The following GRB10 variants were observed in gnomAD, a reference collection of about 807,000 sequenced individuals.
GRB10 encodes growth factor receptor bound protein 10.
A neutral mutation model predicts 80.9 loss-of-function variants in GRB10; 20 were observed. The observed-to-expected ratio is 0.25, with a 90% CI of 0.17 to 0.36. GRB10 has a LOEUF of 0.36. Among genes scored for constraint, GRB10 ranks in the 10% least tolerant of loss-of-function variants. GRB10 has a pLI of 1.00. For synonymous variants in GRB10, 291 were observed against 291.5 expected, an observed-to-expected ratio of 1.00 and a Z score of 0.02; for missense variants, 548 against 747.7, an observed-to-expected ratio of 0.73 and a Z score of 3.12.
chr7:50,691,285 T>C (rs2062782321), intron 5 of GRB10, among the ~76,000 whole-genome samples: 1 of 152,106 alleles, frequency 6.6e-6, no homozygotes, highest in Admixed American at 6.5e-5. Flanking sequence ...GGAGGGCTAA[T>C]CTAGAAGCAG....
chr7:50,739,937 C>A (rs2071428386), intron 3 of GRB10, among the ~76,000 whole-genome samples: 1 of 152,230 alleles, frequency 6.6e-6, no homozygotes, highest in Non-Finnish European at 1.5e-5. Flanking sequence ...TATGCCACCT[C>A]TTCCTGTGAC....
intron 13 of GRB10, among the ~76,000 whole-genome samples, chr7:50,607,973 A>G (rs1387910592): frequency 6.6e-6 from 1 of 152,130 alleles, no homozygotes; most frequent in African/African-American, 2.4e-5. Context: ...CATGGCACAT[A>G]CTCATTTCTA....
intron 5 of GRB10, among the ~76,000 whole-genome samples, chr7:50,683,736 C>CA (rs921828988): frequency 8.0e-5 from 12 of 149,904 alleles, no homozygotes; most frequent in African/African-American, 2.7e-4. Flanking sequence ...GACTCCATCT[C>CA]AAAAAAAATA....
rs199989891 is a variant in GRB10, at chr7:50,674,550, C to T, written c.248G>A (p.Gly83Asp). 3 of 1,612,122 alleles carry T rather than the reference C, an allele frequency of 1.9e-6. No individual in the cohort carries two copies. Among genetic ancestry groups the T allele is most frequent in the African/African-American group, 2.7e-5 (2 of 75,060 alleles). Residue 83 changes from glycine to aspartate, a missense_variant, in exon 6 of 19, where the codon GGC becomes GAC. Physicochemically the swap from Gly to Asp is moderately conservative, Grantham distance 94. Coordinates refer to ENST00000401949, the MANE Select transcript of GRB10 (RefSeq NM_001350814.2). ...QSDTVPLLQN[G>D]QHARSQPRAS... ...CCGAGGCTGGCTGCGGGCATGCTGGCCATTCTGCAGGAGGGGCACCGTGTC... is the reference window on the plus strand; with the variant it reads ...CCGAGGCTGGCTGCGGGCATGCTGGTCATTCTGCAGGAGGGGCACCGTGTC...
intron 7 of GRB10, among the ~76,000 whole-genome samples, chr7:50,661,422 G>A (rs1370437477): frequency 6.6e-6 from 1 of 152,178 alleles, no homozygotes; most frequent in Non-Finnish European, 1.5e-5. Flanking sequence ...AATAACAAAT[G>A]GAAAAATGTG....
intron 14 of GRB10, 52 bp downstream of exon 14, chr7:50,606,285 G>C: frequency 7.2e-7 from 1 of 1,381,724 alleles, no homozygotes; most frequent in African/African-American, 1.4e-5. Flanking sequence ...TAACACATGT[G>C]ATGCAGAAGC....
intron 8 of GRB10, among the ~76,000 whole-genome samples, chr7:50,621,152 C>T (rs943855399): frequency 1.3e-5 from 2 of 152,228 alleles, no homozygotes; most frequent in African/African-American, 2.4e-5. Flanking sequence ...CCCACGCAGG[C>T]GCCCATCCTT....
At chr7:50,704,393 T>TG (rs2064738769) in intron 4 of GRB10, among the ~76,000 whole-genome samples, 1 of 152,210 alleles carries the variant, frequency 6.6e-6, no homozygotes, top group Non-Finnish European at 1.5e-5. Flanking sequence ...AGAACAACAC[T>TG]TTCAGGCAAA....
At chr7:50,674,680 C>G in intron 5 of GRB10, 22 bp from the exon 6 acceptor site, 1 of 1,605,146 alleles carries the variant, frequency 6.2e-7, no homozygotes, top group Non-Finnish European at 8.5e-7. Context: ...AAGGCAAGAG[C>G]AAAAAAGAAA....
chr7:50,634,651 A>G (rs6970413), intron 7 of GRB10, among the ~76,000 whole-genome samples: 80,209 of 152,076 alleles, frequency 0.53, 21,295 homozygotes, highest in Admixed American at 0.54. Flanking sequence ...AGACCCACCT[A>G]ACGGCTAAAG....
intron 2 of GRB10, among the ~76,000 whole-genome samples, chr7:50,756,936 G>A (rs2075166685): frequency 6.6e-6 from 1 of 152,208 alleles, no homozygotes; most frequent in Non-Finnish European, 1.5e-5. Context: ...TCCTATCGCT[G>A]TTGGGCTGGA....
chr7:50,653,161 C>T (rs2237452), intron 7 of GRB10, among the ~76,000 whole-genome samples: 46,752 of 152,062 alleles, frequency 0.31, 7,603 homozygotes, highest in Middle Eastern at 0.5. Flanking sequence ...AGGCATCTTC[C>T]TGGGCACGGG....
chr7:50,616,174 G>T (rs765036374), intron 11 of GRB10, 36 bp downstream of exon 11: 1 of 1,614,008 alleles, frequency 6.2e-7, no homozygotes, highest in Admixed American at 1.7e-5. Flanking sequence ...GACTGTGGCA[G>T]AATTAGGGCT....
At chr7:50,790,967 T>C (rs909473169) in intron 1 of GRB10, among the ~76,000 whole-genome samples, 2 of 152,208 alleles carry the variant, frequency 1.3e-5, no homozygotes, top group African/African-American at 4.8e-5. Context: ...GACACAGACA[T>C]AGCTCTTTAA....
At chr7:50,636,801 T>C (rs2055125169) in intron 7 of GRB10, among the ~76,000 whole-genome samples, 1 of 152,142 alleles carries the variant, frequency 6.6e-6, no homozygotes, top group Non-Finnish European at 1.5e-5. Flanking sequence ...GTTGAAAGCA[T>C]TTCCCCCTAA....
chr7:50,764,031 T>C (rs1350309435), intron 2 of GRB10, among the ~76,000 whole-genome samples: 1 of 152,232 alleles, frequency 6.6e-6, no homozygotes, highest in Non-Finnish European at 1.5e-5. Context: ...GTCACCTCAC[T>C]CACCAGCCTG....
intron 3 of GRB10, among the ~76,000 whole-genome samples, chr7:50,750,501 T>C (rs563371485): frequency 1.3e-5 from 2 of 152,144 alleles, no homozygotes; most frequent in African/African-American, 2.4e-5. Flanking sequence ...TCCTGTTCAA[T>C]AGAAGCTCCA....
At chr7:50,650,579 A>G (rs1414834445) in intron 7 of GRB10, among the ~76,000 whole-genome samples, 2 of 152,194 alleles carry the variant, frequency 1.3e-5, no homozygotes, top group East Asian at 3.9e-4. Context: ...TAGAGAAGAT[A>G]AAGGGGGCAG....
chr7:50,632,733 G>A (rs545118080), intron 7 of GRB10, among the ~76,000 whole-genome samples: 3 of 152,300 alleles, frequency 2.0e-5, no homozygotes, highest in African/African-American at 7.2e-5. Flanking sequence ...GGGAGTGTGA[G>A]CTGGCAGTCT....
Sources: gnomAD v4.1 joint callset for allele counts (sites outside exome capture counted in the v4.1 genomes callset) on GRCh38, gnomAD v4.1.1 for gene constraint, MANE v1.5 for transcripts, NCBI Gene and HGNC (gene_info 2026-07-23, HGNC 2026-07-21) for gene names.